ADAM17: variants seen among roughly 807,000 people sequenced by gnomAD.
The protein encoded by ADAM17 is ADAM metallopeptidase domain 17.
Under a neutral mutation model 96.7 loss-of-function variants are expected in ADAM17, and 39 were observed. That is an observed-to-expected ratio of 0.40 (90% CI 0.31 to 0.53). ADAM17 has a LOEUF of 0.53. Among genes scored for constraint, ADAM17 ranks in the 20% least tolerant of loss-of-function variants. The pLI, the probability that ADAM17 is intolerant of heterozygous loss-of-function variation, is 0.44. For synonymous variants in ADAM17, 344 were observed against 359.2 expected, an observed-to-expected ratio of 0.96 and a Z score of 0.48; for missense variants, 777 against 1,013.2, an observed-to-expected ratio of 0.77 and a Z score of 3.17.
rs56690208 is a variant in ADAM17, at chr2:9,520,959, T to C, written c.957+244A>G. Among the ~76,000 whole-genome samples the C allele has an allele frequency of 0.47, 45,165 of 95,464 alleles. 11,651 individuals carry two copies. Among genetic ancestry groups the C allele is most frequent in the Middle Eastern group, 0.68 (112 of 164 alleles). The allele number at this position is 95,464 out of a possible 152,430, so 62.6% of individuals were successfully genotyped here. ...AGCCAGGGCAACAAGAGTGAAACTC[T>C]GTCTCAAAAAAAAAAAAAAAAAAAA... On this transcript the variant is annotated intron_variant, in intron 8 of 18. Coordinates refer to ENST00000310823, the MANE Select transcript of ADAM17 (RefSeq NM_003183.6).
At chr2:9,514,985 C>T (rs13407056) in intron 10 of ADAM17, among the ~76,000 whole-genome samples, 6,546 of 152,230 alleles carry the variant, frequency 0.043, 475 homozygotes, top group African/African-American at 0.15. Context: ...GTGATCCTCC[C>T]GCGTAGCTGG....
chr2:9,505,283 T>C lies in ADAM17; in HGVS notation c.1427A>G (p.Lys476Arg), dbSNP rs1235981174. 1 of 1,614,200 alleles carries C rather than the reference T, an allele frequency of 6.2e-7. No individual in the cohort carries two copies. The highest frequency in any genetic ancestry group is 1.1e-5 in the South Asian group (1 of 91,088). Residue 476 changes from lysine to arginine, a missense_variant, in exon 12 of 19, where the codon AAA (lysine) becomes AGA (arginine). Physicochemically the swap from Lys to Arg is conservative, Grantham distance 26. Coordinates refer to ENST00000310823, the MANE Select transcript of ADAM17 (RefSeq NM_003183.6). ...AQECFQERSN[K>R]VCGNSRVDEG... is the part of the protein sequence containing the mutation. ...ATCCACCCTCGAGTTCCCACAAACT[T>C]TATTGCTGCGTTCTTGAAAACACTC... is the stretch of plus-strand genomic sequence containing the variant.
rs749333487 is a variant in ADAM17 at position 9,509,997 on chromosome 2, G to C, written c.1326C>G (p.Gly442=). The C allele has an allele frequency of 6.2e-7, 1 of 1,613,742 alleles. No homozygotes were observed. Among genetic ancestry groups the C allele is most frequent in the Admixed American group, 1.7e-5 (1 of 59,966 alleles). The part of the protein sequence containing the change: ...KYVMYPIAVS[G]DHENNKMFSN... ...CACATACCTTATTGTTCTCGTGATC[G>C]CCACTCACAGCTATGGGATACATGA... The change falls in exon 11 of 19, where the codon GGC becomes GGG. Residue 442 remains glycine, a synonymous_variant. Coordinates refer to ENST00000310823, the MANE Select transcript of ADAM17 (RefSeq NM_003183.6).
intron 12 of ADAM17, among the ~76,000 whole-genome samples, chr2:9,504,691 G>C (rs1663269004): frequency 6.8e-6 from 1 of 147,684 alleles, no homozygotes; most frequent in Middle Eastern, 3.5e-3. Context: ...GAACCCGGGA[G>C]ACAAAGATTG....
chr2:9,539,814 G>A lies in ADAM17; in HGVS notation c.231-2986C>T, dbSNP rs560138143. ...TCCTACTTTCATTTACTCACTGTCC[G>A]ACCTTGGCCTCAATCTTTGAATCCT... is the stretch of plus-strand genomic sequence containing the variant. On this transcript the variant is annotated intron_variant, in intron 2 of 18. Coordinates refer to ENST00000310823, the MANE Select transcript of ADAM17 (RefSeq NM_003183.6). 1.8e-3 allele frequency among the ~76,000 whole-genome samples: 281 copies of A among 152,248 alleles called. 1 individual carries two copies. Among genetic ancestry groups the A allele is most frequent in the Non-Finnish European group, 2.9e-3 (196 of 68,026 alleles).
intron 11 of ADAM17, chr2:9,507,031 T>C (rs1663447621): frequency 6.6e-6 from 1 of 152,226 alleles, no homozygotes; most frequent in Non-Finnish European, 1.5e-5. Flanking sequence ...ACATTCCTTT[T>C]CACTAATGTC....
intron 11 of ADAM17, among the ~76,000 whole-genome samples, chr2:9,508,514 A>G (rs765193087): frequency 3.9e-5 from 6 of 152,240 alleles, no homozygotes; most frequent in Admixed American, 6.5e-5. Context: ...TGTTGAAACC[A>G]TTGCTATAAG....
chr2:9,508,034 T>C (rs1663517152), intron 11 of ADAM17, among the ~76,000 whole-genome samples: 1 of 152,148 alleles, frequency 6.6e-6, no homozygotes, highest in Non-Finnish European at 1.5e-5. Context: ...CAGGGCTGTT[T>C]TGAAGAGCCC....
chr2:9,504,574 G>A (rs1382635622), intron 12 of ADAM17, among the ~76,000 whole-genome samples: 1 of 151,996 alleles, frequency 6.6e-6, no homozygotes, highest in East Asian at 1.9e-4. Context: ...AGACCATCCT[G>A]GCCACCGTAG....
chr2:9,551,038 G>A (rs1572964244), intron 1 of ADAM17, among the ~76,000 whole-genome samples: 2 of 151,510 alleles, frequency 1.3e-5, no homozygotes, highest in East Asian at 3.9e-4. Context: ...TTGCGCCACT[G>A]CGCTCCAGCC....
intron 6 of ADAM17, 87 bp downstream of exon 6, chr2:9,526,024 T>G: frequency 7.9e-7 from 1 of 1,263,884 alleles, no homozygotes; most frequent in Non-Finnish European, 1.1e-6. Flanking sequence ...ACAGAGTATC[T>G]GGAACAGATC....
Position 9,555,630 on chromosome 2 carries a change from A to C in ADAM17, c.-25T>G. 6.5e-7 allele frequency: 1 copy of C among 1,535,662 alleles called. No homozygotes were observed. ...TGTTCCCGGCCCCGCTACCGACTCC[A>C]CCTCTCTGGGCAGCCTTCGCCTGAC... On this transcript the variant is annotated 5_prime_UTR_variant, in exon 1 of 19. Coordinates refer to ENST00000310823, the MANE Select transcript of ADAM17 (RefSeq NM_003183.6).
chr2:9,492,886 T>G lies in ADAM17; in HGVS notation c.2082+12A>C, dbSNP rs532530927. Reference sequence around the variant, plus strand: ...AATAAAACATTTAATTACTTAAAAGTTGATGACTTACCACACAATGGACAA... The same window carrying G: ...AATAAAACATTTAATTACTTAAAAGGTGATGACTTACCACACAATGGACAA... On this transcript the variant is annotated intron_variant, in intron 17 of 18. Transcript: ENST00000310823. The G allele has an allele frequency of 1.6e-5, 26 of 1,600,930 alleles. 1 individual carries two copies. In the South Asian group the frequency reaches 2.9e-4, roughly 18 times the overall value.
Position 9,502,156 on chromosome 2 carries a change from G to C in ADAM17, c.1648+17C>G, listed in dbSNP as rs764128989. The C allele has an allele frequency of 6.2e-7, 1 of 1,603,694 alleles. No individual in the cohort carries two copies. The highest frequency in any genetic ancestry group is 1.3e-5 in the African/African-American group (1 of 74,614). Reference sequence around the variant, plus strand: ...ACTTGACCCACAGCATTCCAAGGAAGCAACAAGAACACGAACCTGTGCAGT... The same window carrying C: ...ACTTGACCCACAGCATTCCAAGGAACCAACAAGAACACGAACCTGTGCAGT... On this transcript the variant is annotated intron_variant, in intron 13 of 18. Transcript: ENST00000310823.
At chr2:9,542,598 TA>T (rs1317870977) in intron 2 of ADAM17, among the ~76,000 whole-genome samples, 1 of 152,104 alleles carries the variant, frequency 6.6e-6, no homozygotes, top group African/African-American at 2.4e-5. Flanking sequence ...TCAATTAATT[TA>T]AATTATGTTA....
chr2:9,540,956 A>G (rs573847489), intron 2 of ADAM17, among the ~76,000 whole-genome samples: 1 of 152,330 alleles, frequency 6.6e-6, no homozygotes, highest in East Asian at 1.9e-4. Context: ...AAATTTGTCA[A>G]ATCTCTTTGG....
chr2:9,493,700 C>A (rs2124962919), intron 16 of ADAM17, 47 bp downstream of exon 16: 1 of 1,524,812 alleles, frequency 6.6e-7, no homozygotes, highest in Non-Finnish European at 9.1e-7. Flanking sequence ...AATGTCATCA[C>A]AGAAATTGAC....
chr2:9,529,918 C>T (rs536623831), intron 4 of ADAM17, among the ~76,000 whole-genome samples: 3 of 151,950 alleles, frequency 2.0e-5, no homozygotes, highest in Non-Finnish European at 4.4e-5. Flanking sequence ...TTGCAGTGAT[C>T]GTGCCACTGC....
intron 10 of ADAM17, among the ~76,000 whole-genome samples, chr2:9,511,920 G>A (rs534014154): frequency 1.2e-3 from 182 of 152,150 alleles, no homozygotes; most frequent in African/African-American, 3.9e-3. Flanking sequence ...GCTGTGAGCC[G>A]AGATAGGCCA....
Sources: gnomAD v4.1 joint callset for allele counts (sites outside exome capture counted in the v4.1 genomes callset) on GRCh38, gnomAD v4.1.1 for gene constraint, MANE v1.5 for transcripts, NCBI Gene and HGNC (gene_info 2026-07-23, HGNC 2026-07-21) for gene names.